HOMER1: variants seen among roughly 807,000 people sequenced by gnomAD.
HOMER1 encodes the protein homer protein homolog 1.
Under a neutral mutation model 48.9 loss-of-function variants are expected in HOMER1, and 3 were observed. The ratio of observed to expected loss-of-function variants is 0.06; its 90% CI spans 0.03 to 0.16. The LOEUF (loss-of-function observed/expected upper bound fraction) is 0.16, where lower values mean the gene tolerates loss of function less well. Among genes scored for constraint, HOMER1 ranks in the 10% least tolerant of loss-of-function variants. The probability of loss-of-function intolerance (pLI) is 1.00; values close to 1 mark genes in which losing one functional copy is unlikely to be tolerated. For missense variants in HOMER1, 247 were observed against 411.4 expected, an observed-to-expected ratio of 0.60 and a Z score of 3.46; for synonymous variants, 134 against 146.4, an observed-to-expected ratio of 0.92 and a Z score of 0.61.
chr5:79,378,221 T>TTAAAAAGAAA (rs756900477), intron 8 of HOMER1, among the ~76,000 whole-genome samples: 1 of 97,484 alleles, frequency 1.0e-5, no homozygotes, highest in Admixed American at 1.2e-4. Context: ...AGACTCTGTC[T>TTAAAAAGAAA]CAAAAAAAAA....
At chr5:79,426,329 G>A (rs919782545) in intron 5 of HOMER1, among the ~76,000 whole-genome samples, 1 of 152,038 alleles carries the variant, frequency 6.6e-6, no homozygotes, top group Admixed American at 6.6e-5. Flanking sequence ...CATGTTTACT[G>A]CAGCACTATT....
intron 1 of HOMER1, among the ~76,000 whole-genome samples, chr5:79,487,830 C>T (rs1386098489): frequency 1.3e-5 from 2 of 152,136 alleles, no homozygotes; most frequent in African/African-American, 4.8e-5. Flanking sequence ...TGTTAAGAGT[C>T]CTTATTTCTT....
intron 4 of HOMER1, among the ~76,000 whole-genome samples, chr5:79,446,804 A>ATTTTTTTTT (rs35036295): frequency 2.0e-5 from 2 of 101,702 alleles, no homozygotes; most frequent in African/African-American, 4.0e-5. Flanking sequence ...CACTTGGCTA[A>ATTTTTTTTT]TTTTTTTTTT....
chr5:79,440,867 C>T (rs762344125), intron 4 of HOMER1, among the ~76,000 whole-genome samples: 22 of 152,082 alleles, frequency 1.4e-4, no homozygotes, highest in Non-Finnish European at 2.6e-4. Context: ...GAAATGATAA[C>T]AGAAACAAGT....
In HOMER1 at chr5:79,450,994, G is replaced by A. The variant is rs201735834; in HGVS notation, c.290C>T (p.Ser97Leu). The change falls in exon 3 of 9, where the codon TCG becomes TTG. Residue 97 changes from serine to leucine, a missense_variant. Ser to Leu is a moderately radical substitution (Grantham distance 145, BLOSUM62 -2). Transcript: ENST00000334082. ...AAATTTTATGATTTAACTCACTTTC[G>A]AAAGATGATGCTCAGAGGAGAATCC... ...GLGFSSEHHL[S>L]KFAEKFQEFK... 886 of 1,611,350 alleles carry A rather than the reference G, an allele frequency of 5.5e-4. 2 individuals carry two copies. Among genetic ancestry groups the A allele is most frequent in the Non-Finnish European group, 6.8e-4 (807 of 1,178,352 alleles).
intron 5 of HOMER1, among the ~76,000 whole-genome samples, chr5:79,404,014 T>G (rs994592291): frequency 6.6e-6 from 1 of 152,216 alleles, no homozygotes; most frequent in Admixed American, 6.5e-5. Flanking sequence ...GAAAAAAGCA[T>G]GCATGGATTC....
chr5:79,426,849 T>C (rs985344549), intron 5 of HOMER1, among the ~76,000 whole-genome samples: 2 of 152,152 alleles, frequency 1.3e-5, no homozygotes, highest in African/African-American at 2.4e-5. Context: ...TAACAGATAT[T>C]TGACTACCCA....
chr5:79,470,890 G>C (rs1298657188), intron 1 of HOMER1, among the ~76,000 whole-genome samples: 1 of 152,042 alleles, frequency 6.6e-6, no homozygotes, highest in Non-Finnish European at 1.5e-5. Context: ...TAAATAAGTG[G>C]ATACTGTATA....
At chr5:79,406,601 C>T (rs1255660900) in intron 5 of HOMER1, among the ~76,000 whole-genome samples, 4 of 152,136 alleles carry the variant, frequency 2.6e-5, no homozygotes, top group African/African-American at 9.7e-5. Flanking sequence ...TAGCCAAGAC[C>T]CTTCTTCTCC....
chr5:79,445,667 C>T (rs1394974482), intron 4 of HOMER1, among the ~76,000 whole-genome samples: 1 of 152,192 alleles, frequency 6.6e-6, no homozygotes, highest in Non-Finnish European at 1.5e-5. Flanking sequence ...CGCCTGTAAT[C>T]TCAGCATTTT....
At chr5:79,429,953 G>A (rs895962644) in intron 5 of HOMER1, among the ~76,000 whole-genome samples, 4 of 151,682 alleles carry the variant, frequency 2.6e-5, no homozygotes, top group Admixed American at 1.3e-4. Context: ...AACCCAGGCC[G>A]CAGAGCTTGC....
chr5:79,400,338 T>G (rs1363198746), intron 6 of HOMER1, among the ~76,000 whole-genome samples: 1 of 151,828 alleles, frequency 6.6e-6, no homozygotes, highest in East Asian at 1.9e-4. Flanking sequence ...CTGTCTCAAC[T>G]GCATTTCCTT....
At chr5:79,497,147 C>T (rs1461601422) in intron 1 of HOMER1, among the ~76,000 whole-genome samples, 1 of 149,662 alleles carries the variant, frequency 6.7e-6, no homozygotes, top group Non-Finnish European at 1.5e-5. Context: ...GATATCTAGA[C>T]AGAATAACAT....
At chr5:79,384,294 TAAAC>T (rs1297736404) in intron 8 of HOMER1, among the ~76,000 whole-genome samples, 2 of 151,750 alleles carry the variant, frequency 1.3e-5, no homozygotes, top group Non-Finnish European at 2.9e-5. Context: ...AAAACCCAAA[TAAAC>T]AAAATCACAA....
chr5:79,483,604 A>C (rs1328659095), intron 1 of HOMER1, among the ~76,000 whole-genome samples: 2 of 152,164 alleles, frequency 1.3e-5, no homozygotes, highest in African/African-American at 2.4e-5. Context: ...AAAATGTTAA[A>C]GAAAAGTTTT....
chr5:79,445,137 C>T (rs1339863054), intron 4 of HOMER1, among the ~76,000 whole-genome samples: 1 of 152,114 alleles, frequency 6.6e-6, no homozygotes, highest in Non-Finnish European at 1.5e-5. Context: ...CTAAACTGTT[C>T]CAATCATTTG....
intron 1 of HOMER1, among the ~76,000 whole-genome samples, chr5:79,467,496 C>G (rs975573113): frequency 1.3e-5 from 2 of 151,206 alleles, no homozygotes; most frequent in Non-Finnish European, 2.9e-5. Flanking sequence ...CACTTTTCTA[C>G]TTGCTACAAA....
intron 1 of HOMER1, among the ~76,000 whole-genome samples, chr5:79,467,476 C>CT (rs1751503889): frequency 6.7e-6 from 1 of 149,090 alleles, no homozygotes; most frequent in Non-Finnish European, 1.5e-5. Flanking sequence ...AATCATAATA[C>CT]TCTAAGGTAC....
chr5:79,486,024 T>C (rs1256644268), intron 1 of HOMER1, among the ~76,000 whole-genome samples: 1 of 152,184 alleles, frequency 6.6e-6, no homozygotes, highest in Non-Finnish European at 1.5e-5. Context: ...CTGCTTCTCT[T>C]AGGATACTCA....
Sources: gnomAD v4.1 joint callset for allele counts (sites outside exome capture counted in the v4.1 genomes callset) on GRCh38, gnomAD v4.1.1 for gene constraint, MANE v1.5 for transcripts, NCBI Gene and HGNC (gene_info 2026-07-23, HGNC 2026-07-21) for gene names.